Variants in PDZRN3 observed in about 807,000 individuals in gnomAD.
PDZRN3 encodes the protein E3 ubiquitin-protein ligase PDZRN3.
Under a neutral mutation model 85.7 loss-of-function variants are expected in PDZRN3, and 38 were observed. The ratio of observed to expected loss-of-function variants is 0.44; its 90% confidence interval spans 0.34 to 0.58. PDZRN3 has a LOEUF of 0.58. Ranked by LOEUF, PDZRN3 falls within the 20% of genes least tolerant of loss-of-function variation. The probability of loss-of-function intolerance (pLI) is 0.01; values close to 1 mark genes in which losing one functional copy is unlikely to be tolerated. For synonymous variants in PDZRN3, 759 were observed against 638.0 expected (o/e 1.19, Z -2.86); for missense variants, 1,629 against 1,506.4 (o/e 1.08, Z -1.35).
Position 73,423,254 on chromosome 3 carries a change from T to C in PDZRN3, c.919-18859A>G, listed in dbSNP as rs1373848969. Among the ~76,000 whole-genome samples the C allele has an allele frequency of 2.0e-5, 3 of 152,226 alleles. No individual in the cohort carries two copies. The East Asian group carries it at 5.8e-4, about 29-fold the overall frequency. ...GATAAAGGAAAATTGGTTCATATTCTTTAGAGTTTTACTTTATTAAAGTGC... is the reference window on the plus strand; with the variant it reads ...GATAAAGGAAAATTGGTTCATATTCCTTAGAGTTTTACTTTATTAAAGTGC... On this transcript the variant is annotated intron_variant, in intron 3 of 9. Transcript: ENST00000263666.
At position 73,591,649 on chromosome 3, in the gene PDZRN3, T is replaced by TC. The variant is rs1702358707; in HGVS notation, c.918+10704dup. The stretch of plus-strand genomic sequence containing the variant: ...AGCTAACCACCTGGTGAGCATTTAT[T>TC]CCGGGGCCAAAATTGCAGTATTCAG... On this transcript the variant is annotated intron_variant, in intron 3 of 9. Transcript: ENST00000263666. Among the ~76,000 whole-genome samples the TC allele has an allele frequency of 2.0e-5, 3 of 152,292 alleles. No homozygotes were observed. The South Asian group carries it at 6.2e-4, about 32-fold the overall frequency.
At chr3:73,464,707 A>C (rs934388800) in intron 3 of PDZRN3, among the ~76,000 whole-genome samples, 1 of 152,190 alleles carries the variant, frequency 6.6e-6, no homozygotes, top group African/African-American at 2.4e-5. Context: ...TCTTTTTAAA[A>C]AAATCTGGAA....
In PDZRN3 at chr3:73,531,250, C is replaced by CAAA. The variant is rs60520136; in HGVS notation, c.918+71101_918+71103dup. On this transcript the variant is annotated intron_variant, in intron 3 of 9. Transcript: ENST00000263666. ...TGGGTGACAGAGCGAGACTTCGTCT[C>CAAA]AAAAAAAAAAAAAAAAAAAAAAAGG... Among the ~76,000 whole-genome samples, 615 of 63,568 alleles carry CAAA rather than the reference C, an allele frequency of 9.7e-3. 23 individuals are homozygous for CAAA. The highest frequency in any genetic ancestry group is 0.031 in the African/African-American group (524 of 16,846). The allele number at this position is 63,568 out of a possible 152,430, so 41.7% of individuals were successfully genotyped here.
intron 5 of PDZRN3, among the ~76,000 whole-genome samples, chr3:73,394,641 G>C (rs774965565): frequency 6.6e-5 from 10 of 152,220 alleles, no homozygotes; most frequent in Non-Finnish European, 1.2e-4. Flanking sequence ...ACGTGGATGT[G>C]AGACAGGATG....
intron 3 of PDZRN3, among the ~76,000 whole-genome samples, chr3:73,557,359 A>C (rs893428353): frequency 1.7e-4 from 26 of 152,230 alleles, no homozygotes; most frequent in African/African-American, 6.3e-4. Flanking sequence ...CTTCAAGTTA[A>C]TAAAATCTGA....
In PDZRN3 at chr3:73,624,273, TG is replaced by T; in HGVS notation, c.552del (p.Lys185ArgfsTer27). The part of the protein sequence containing the change: ...QARLGALHKA[L>X]KKEALRAGKR... The stretch of plus-strand genomic sequence containing the variant: ...TTCCCAGCGCGCAGCGCCTCCTTCT[TG>T]AGCGCCTTGTGCAGCGCGCCCAGGC... On this transcript the variant is annotated frameshift_variant, in exon 1 of 10. Coordinates refer to ENST00000263666, the MANE Select transcript of PDZRN3 (RefSeq NM_015009.3). LOFTEE classifies it high-confidence loss of function. The T allele has an allele frequency of 7.1e-7, 1 of 1,417,356 alleles. No homozygotes were observed. 87.8% of individuals were successfully genotyped at this position (1,417,356 alleles called of 1,614,324 possible).
intron 3 of PDZRN3, among the ~76,000 whole-genome samples, chr3:73,464,406 G>A (rs781507123): frequency 2.0e-5 from 3 of 152,086 alleles, no homozygotes; most frequent in Non-Finnish European, 4.4e-5. Flanking sequence ...GTGCACAGCT[G>A]ATTTATGTAA....
chr3:73,460,330 C>T (rs1480329833), intron 3 of PDZRN3, among the ~76,000 whole-genome samples: 1 of 152,218 alleles, frequency 6.6e-6, no homozygotes, highest in African/African-American at 2.4e-5. Flanking sequence ...TCCTTCCTCC[C>T]TGCATTATGA....
intron 3 of PDZRN3, among the ~76,000 whole-genome samples, chr3:73,565,684 T>C (rs1257956523): frequency 1.3e-5 from 2 of 151,944 alleles, no homozygotes; most frequent in African/African-American, 4.8e-5. Flanking sequence ...ACGCCTGTAA[T>C]CCCAGCACTT....
intron 3 of PDZRN3, among the ~76,000 whole-genome samples, chr3:73,513,551 C>A (rs1704205146): frequency 6.6e-6 from 1 of 152,172 alleles, no homozygotes; most frequent in South Asian, 2.1e-4. Flanking sequence ...TGTTAACATT[C>A]ACTTGTTCCT....
intron 3 of PDZRN3, among the ~76,000 whole-genome samples, chr3:73,435,062 C>T (rs538061290): frequency 4.6e-5 from 7 of 152,308 alleles, no homozygotes; most frequent in East Asian, 1.9e-4. Context: ...TAACTGTCTC[C>T]GGGGAGGACT....
Position 73,624,463 on chromosome 3 carries a change from C to T in PDZRN3, c.363G>A (p.Leu121=). ...RCRHAGCGQV[L]LRRDVEAHMR... is the part of the protein sequence containing the mutation. ...TGTGCGCCTCCACGTCGCGCCGCAG[C>T]AGCACCTGGCCGCAACCCGCGTGGC... Residue 121 remains leucine (L), a synonymous_variant, in exon 1 of 10, where the codon CTG becomes CTA. Transcript: ENST00000263666. 7.3e-7 allele frequency: 1 copy of T among 1,371,622 alleles called. No homozygotes were observed. The highest frequency in any genetic ancestry group is 9.3e-7 in the Non-Finnish European group (1 of 1,070,618). 85.0% of individuals were successfully genotyped at this position (1,371,622 alleles called of 1,614,324 possible).
chr3:73,389,765 G>T, intron 7 of PDZRN3, 51 bp downstream of exon 7: 1 of 1,289,708 alleles, frequency 7.8e-7, no homozygotes, highest in Non-Finnish European at 1.1e-6. Context: ...GAACCAGTTT[G>T]TTCTTTAGTG....
At chr3:73,533,699 T>A (rs911072168) in intron 3 of PDZRN3, among the ~76,000 whole-genome samples, 1 of 152,024 alleles carries the variant, frequency 6.6e-6, no homozygotes, top group African/African-American at 2.4e-5. Flanking sequence ...AGTGGGAGGG[T>A]CTTACAAGGT....
At chr3:73,433,943 T>G in intron 3 of PDZRN3, 7 of 1,355,410 alleles carry the variant, frequency 5.2e-6, no homozygotes, top group East Asian at 5.5e-5. Flanking sequence ...CACACACACA[T>G]ACACACAGAC....
intron 3 of PDZRN3, chr3:73,561,412 C>T (rs1297466274): frequency 1.3e-5 from 2 of 152,196 alleles, no homozygotes; most frequent in African/African-American, 4.8e-5. Flanking sequence ...CCAGCTGATT[C>T]CACAGCATGT....
Position 73,400,963 on chromosome 3 carries a change from C to T in PDZRN3, c.1213G>A (p.Asp405Asn), listed in dbSNP as rs1430486296. Residue 405 changes from aspartate to asparagine, a missense_variant, in exon 5 of 10, where the codon GAC becomes AAC. Physicochemically the swap from Asp to Asn is conservative, Grantham distance 23. Transcript: ENST00000263666. ...TCCCTGTCCATCTCCTGATGGATGT[C>T]TCCAATGTAGTCATTTGGATCGTAG... ...EYYDPNDYIG[D>N]IHQEMDREEL... The T allele has an allele frequency of 1.1e-5, 17 of 1,613,708 alleles. No individual in the cohort carries two copies. The highest frequency in any genetic ancestry group is 1.4e-5 in the Non-Finnish European group (17 of 1,179,678).
In PDZRN3 at chr3:73,587,938, A is replaced by C. The variant is rs144236244; in HGVS notation, c.918+14416T>G. Among the ~76,000 whole-genome samples, 3 of 152,316 alleles carry C rather than the reference A, an allele frequency of 2.0e-5. No homozygotes were observed. In the East Asian group the frequency reaches 5.8e-4, roughly 29 times the overall value. On this transcript the variant is annotated intron_variant, in intron 3 of 9. Transcript: ENST00000263666. ...ATTTGAGGCAAAAATGTTTGTTAAC[A>C]CTACTTGTTTTTTAAAAAAATTTAT... is the stretch of plus-strand genomic sequence containing the variant.
At chr3:73,449,150 A>G (rs1378252117) in intron 3 of PDZRN3, among the ~76,000 whole-genome samples, 1 of 152,178 alleles carries the variant, frequency 6.6e-6, no homozygotes, top group Non-Finnish European at 1.5e-5. Context: ...TAATGATGTA[A>G]TCCAACTTGT....
Sources: gnomAD v4.1 joint callset for allele counts (sites outside exome capture counted in the v4.1 genomes callset) on GRCh38, gnomAD v4.1.1 for gene constraint, MANE v1.5 for transcripts, NCBI Gene and HGNC (gene_info 2026-07-23, HGNC 2026-07-21) for gene names.